Variants in BRWD1 observed in about 807,000 individuals in gnomAD.
BRWD1 encodes the protein bromodomain and WD repeat-containing protein 1.
A neutral mutation model predicts 251.2 loss-of-function variants in BRWD1; 82 were observed. The observed-to-expected ratio is 0.33, with a 90% CI of 0.27 to 0.39. The LOEUF is 0.39. Among genes scored for constraint, BRWD1 ranks in the 10% least tolerant of loss-of-function variants. BRWD1 has a pLI of 1.00. For missense variants in BRWD1, 2,233 were observed against 2,711.6 expected (o/e 0.82, Z 3.92); for synonymous variants, 918 against 902.8 (o/e 1.02, Z -0.30).
chr21:39,186,867 C>G lies in BRWD1; in HGVS notation c.*9392G>C, dbSNP rs2031265152. On this transcript the variant is annotated 3_prime_UTR_variant, in exon 41 of 41. Transcript: ENST00000342449. ...GAATTCCCCAGAGCACATGTCTGTA[C>G]AAGAGCTGACTGGGAGGAACCCACT... 2.1e-5 allele frequency: 27 copies of G among 1,257,512 alleles called. No homozygotes were observed. The highest frequency in any genetic ancestry group is 2.9e-5 in the Non-Finnish European group (27 of 943,812). 77.9% of individuals were successfully genotyped at this position (1,257,512 alleles called of 1,614,324 possible).
chr21:39,277,413 T>A, intron 10 of BRWD1, 62 bp from the exon 11 acceptor site: 1 of 1,012,638 alleles, frequency 9.9e-7, no homozygotes. Flanking sequence ...ACAAATCAAA[T>A]TTCCATATTA....
intron 31 of BRWD1, among the ~76,000 whole-genome samples, chr21:39,216,428 T>C (rs562483380): frequency 6.6e-6 from 1 of 152,350 alleles, no homozygotes; most frequent in African/African-American, 2.4e-5. Flanking sequence ...AGATTGAGGG[T>C]TGAGGCCCTG....
chr21:39,313,589 G>GCGCCGC lies in BRWD1; in HGVS notation c.-104_-99dup, dbSNP rs75090981. On this transcript the variant is annotated 5_prime_UTR_variant, in exon 1 of 41. Transcript: ENST00000342449. Reference sequence around the variant, plus strand: ...GCTGGCGTCCCCTCTTCTCAGGCGCGCGCCGCCGCCGCCGCCGCCGCCGCC... The same window carrying GCGCCGC: ...GCTGGCGTCCCCTCTTCTCAGGCGCGCGCCGCCGCCGCCGCCGCCGCCGCCGCCGCC... 0.023 allele frequency: 15,136 copies of GCGCCGC among 649,820 alleles called. 263 individuals are homozygous for GCGCCGC. The highest frequency in any genetic ancestry group is 0.039 in the Middle Eastern group (75 of 1,918). 40.3% of individuals were successfully genotyped at this position (649,820 alleles called of 1,614,324 possible). A position where few individuals can be genotyped will look rare whatever the true frequency, so the allele number is the denominator to read the frequency against.
rs1302264991 is a variant in BRWD1 at position 39,192,220 on chromosome 21, T to A, written c.*4039A>T. 2 of 983,584 alleles carry A rather than the reference T, an allele frequency of 2.0e-6. No homozygotes were observed. The highest frequency in any genetic ancestry group is 6.3e-5 in the Admixed American group (1 of 15,942). The allele number at this position is 983,584 out of a possible 1,614,324, so 60.9% of individuals were successfully genotyped here. ...ATTTAACAGCCTTTAAAACTTAAAA[T>A]CGTAAGAAAAGACAACACAGCCCTT... is the stretch of plus-strand genomic sequence containing the variant. On this transcript the variant is annotated 3_prime_UTR_variant, in exon 41 of 41. Coordinates refer to ENST00000342449, the MANE Select transcript of BRWD1 (RefSeq NM_033656.4).
Position 39,192,821 on chromosome 21 carries a change from G to A in BRWD1, c.*3438C>T, listed in dbSNP as rs2031621601. The A allele has an allele frequency of 9.1e-6, 9 of 985,068 alleles. No homozygotes were observed. Among genetic ancestry groups the A allele is most frequent in the Non-Finnish European group, 9.6e-6 (8 of 829,734 alleles). 61.0% of individuals were successfully genotyped at this position (985,068 alleles called of 1,614,324 possible). On this transcript the variant is annotated 3_prime_UTR_variant, in exon 41 of 41. Coordinates refer to ENST00000342449, the MANE Select transcript of BRWD1 (RefSeq NM_033656.4). ...TTCTACTGATATACAAACCTCTGGG[G>A]TTTCAGTTGGCACAATCAAGTTCAA... is the stretch of plus-strand genomic sequence containing the variant.
rs745842208 is a variant in BRWD1 at position 39,293,826 on chromosome 21, T to C, written c.816A>G (p.Ser272=). The change falls in exon 8 of 41, where the codon TCA becomes TCG. Residue 272 remains serine, a synonymous_variant. Transcript: ENST00000342449. The part of the protein sequence containing the change: ...PVAVLQGHTG[S]ITSLQFSPMA... Reference sequence around the variant, plus strand: ...ACAAGTTTACCTGTAAAGATGTAATTGATCCTGTGTGTCCTTGGAGCACAG... The same window carrying C: ...ACAAGTTTACCTGTAAAGATGTAATCGATCCTGTGTGTCCTTGGAGCACAG... The C allele has an allele frequency of 1.9e-6, 3 of 1,613,932 alleles. No homozygotes were observed. Among genetic ancestry groups the C allele is most frequent in the African/African-American group, 1.3e-5 (1 of 74,928 alleles).
At chr21:39,303,544 T>TA (rs772044703) in intron 4 of BRWD1, among the ~76,000 whole-genome samples, 1 of 140,406 alleles carries the variant, frequency 7.1e-6, no homozygotes, top group Non-Finnish European at 1.5e-5. Context: ...AAAAAATTAT[T>TA]AAAAAAATGA....
chr21:39,235,018 G>A (rs2033759280), intron 23 of BRWD1, among the ~76,000 whole-genome samples: 1 of 152,190 alleles, frequency 6.6e-6, no homozygotes, highest in African/African-American at 2.4e-5. Context: ...GGAGGCTAAG[G>A]TGGGCAGATC....
intron 21 of BRWD1, among the ~76,000 whole-genome samples, chr21:39,239,392 G>GT (rs1391964995): frequency 6.6e-6 from 1 of 152,056 alleles, no homozygotes; most frequent in African/African-American, 2.4e-5. Flanking sequence ...GATTTATTTT[G>GT]TATGTGAATG....
chr21:39,313,040 C>T (rs1327349212), intron 3 of BRWD1, 32 bp downstream of exon 3: 1 of 1,362,910 alleles, frequency 7.3e-7, no homozygotes, highest in Non-Finnish European at 9.5e-7. Context: ...CAGGAGGAAC[C>T]CGAGGGAGCG....
Position 39,192,476 on chromosome 21 carries a change from A to C in BRWD1, c.*3783T>G, listed in dbSNP as rs1367852541. On this transcript the variant is annotated 3_prime_UTR_variant, in exon 41 of 41. Transcript: ENST00000342449. ...ATTATTTCCTTGATATCCACAGCAG[A>C]AATTCAGAGGTATAACTTCAACATT... 1 of 985,150 alleles carries C rather than the reference A, an allele frequency of 1.0e-6. No homozygotes were observed. Among genetic ancestry groups the C allele is most frequent in the Non-Finnish European group, 1.2e-6 (1 of 829,832 alleles). The allele number at this position is 985,150 out of a possible 1,614,324, so 61.0% of individuals were successfully genotyped here.
Position 39,192,358 on chromosome 21 carries a change from A to G in BRWD1, c.*3901T>C. The G allele has an allele frequency of 1.0e-6, 1 of 985,180 alleles. No homozygotes were observed. The highest frequency in any genetic ancestry group is 1.2e-6 in the Non-Finnish European group (1 of 829,788). The allele number at this position is 985,180 out of a possible 1,614,324, so 61.0% of individuals were successfully genotyped here. On this transcript the variant is annotated 3_prime_UTR_variant, in exon 41 of 41. Coordinates refer to ENST00000342449, the MANE Select transcript of BRWD1 (RefSeq NM_033656.4). ...CCCACAATGCTCTATTTTCTCACCT[A>G]GTTTTGACAAATTTATTCCTTCTCT...
intron 7 of BRWD1, among the ~76,000 whole-genome samples, chr21:39,294,939 T>C (rs7283420): frequency 0.25 from 38,676 of 152,042 alleles, 5,984 homozygotes; most frequent in Non-Finnish European, 0.36. Context: ...AACATTAAAA[T>C]GATAAATTCC....
downstream of BRWD1, chr21:39,184,990 TGCAAA>T (rs1034666672): frequency 2.6e-5 from 4 of 152,180 alleles, no homozygotes; most frequent in Admixed American, 6.5e-5. Context: ...AAATATTTTC[TGCAAA>T]GCAAATTACT....
Position 39,188,416 on chromosome 21 carries a change from TCCA to T in BRWD1, c.*7840_*7842del, listed in dbSNP as rs2031365658. The T allele has an allele frequency of 2.0e-6, 2 of 985,332 alleles. No individual in the cohort carries two copies. The highest frequency in any genetic ancestry group is 4.7e-5 in the South Asian group (1 of 21,282). 61.0% of individuals were successfully genotyped at this position (985,332 alleles called of 1,614,324 possible). Reference sequence around the variant, plus strand: ...CACCCACACTAGACATCTGGAGGACTCCACCACATTCTTTTTACTACTAAGTAC... The same window carrying T: ...CACCCACACTAGACATCTGGAGGACTCCACATTCTTTTTACTACTAAGTAC... On this transcript the variant is annotated 3_prime_UTR_variant, in exon 41 of 41. Transcript: ENST00000342449.
intron 35 of BRWD1, 28 bp downstream of exon 35, chr21:39,210,758 C>T: frequency 6.3e-7 from 1 of 1,575,120 alleles, no homozygotes; most frequent in Non-Finnish European, 8.6e-7. Context: ...CAAGAAAAGC[C>T]CCAAACATTT....
intron 3 of BRWD1, 44 bp from the exon 4 acceptor site, chr21:39,312,944 CGG>C (rs754220705): frequency 3.2e-6 from 2 of 622,806 alleles, no homozygotes; most frequent in African/African-American, 6.5e-5. Flanking sequence ...CCCTCCGGCG[CGG>C]GGGGGGCGGG....
intron 29 of BRWD1, among the ~76,000 whole-genome samples, chr21:39,220,178 G>A (rs1408410916): frequency 6.6e-6 from 1 of 152,170 alleles, no homozygotes; most frequent in East Asian, 1.9e-4. Context: ...TCACTATGTT[G>A]CCTGGGCTGG....
intron 8 of BRWD1, among the ~76,000 whole-genome samples, chr21:39,282,959 CAA>C (rs71269097): frequency 1.5e-4 from 13 of 88,890 alleles, no homozygotes; most frequent in Admixed American, 1.4e-4. Flanking sequence ...AACTCCGTCA[CAA>C]AAAAAAAAAA....
Sources: allele counts gnomAD v4.1 joint callset (sites outside exome capture counted in the v4.1 genomes callset), GRCh38; gene constraint gnomAD v4.1.1; transcripts MANE v1.5; gene names NCBI Gene and HGNC (gene_info 2026-07-23, HGNC 2026-07-21).